The following GLG1 variants were observed in gnomAD, a reference collection of about 807,000 sequenced individuals.
GLG1 encodes the protein Golgi apparatus protein 1.
In GLG1, 38 loss-of-function variants were observed where a neutral mutation model predicts 160.5. That is an observed-to-expected ratio of 0.24 (90% CI 0.18 to 0.31). The LOEUF is 0.31. Among genes scored for constraint, GLG1 ranks in the 10% least tolerant of loss-of-function variants. The pLI is 1.00. For missense variants in GLG1, 1,373 were observed against 1,505.2 expected (o/e 0.91, Z 1.45); for synonymous variants, 644 against 543.4 (o/e 1.19, Z -2.57).
chr16:74,489,429 C>A (rs144105348), intron 8 of GLG1, among the ~76,000 whole-genome samples: 2,366 of 151,910 alleles, frequency 0.016, 31 homozygotes, highest in Non-Finnish European at 0.022. Context: ...AGAGGTTGCG[C>A]CATTACACTC....
chr16:74,466,684 A>G (rs2015011863), intron 18 of GLG1, among the ~76,000 whole-genome samples: 1 of 152,234 alleles, frequency 6.6e-6, no homozygotes, highest in African/African-American at 2.4e-5. Context: ...AACAGTAAAT[A>G]AGAATCAAGA....
At chr16:74,541,433 G>T (rs1047063771) in intron 1 of GLG1, among the ~76,000 whole-genome samples, 4 of 152,062 alleles carry the variant, frequency 2.6e-5, no homozygotes, top group Non-Finnish European at 5.9e-5. Context: ...TGTTTGAGAG[G>T]CAAAATGGAA....
intron 1 of GLG1, 59 bp downstream of exon 1, chr16:74,606,598 G>C (rs1220504505): frequency 1.4e-6 from 2 of 1,430,892 alleles, no homozygotes; most frequent in South Asian, 2.7e-5. Flanking sequence ...TTCCAAGGCC[G>C]GCAACACCCT....
intron 8 of GLG1, among the ~76,000 whole-genome samples, chr16:74,486,634 C>T (rs2143346781): frequency 6.6e-6 from 1 of 152,198 alleles, no homozygotes; most frequent in African/African-American, 2.4e-5. Flanking sequence ...ATAGGTACTT[C>T]ACATTTTTTT....
rs754817471 is a variant in GLG1 at position 74,462,129 on chromosome 16, G to A, written c.3001C>T (p.Leu1001=). The A allele has an allele frequency of 1.7e-5, 28 of 1,608,270 alleles. No homozygotes were observed. Among genetic ancestry groups the A allele is most frequent in the Non-Finnish European group, 2.2e-5 (26 of 1,174,864 alleles). The change falls in exon 22 of 26, where the codon CTG becomes TTG. Residue 1001 remains leucine, a synonymous_variant. Coordinates refer to ENST00000422840, the MANE Select transcript of GLG1 (RefSeq NM_001145667.2). ...CAGTGCAGCTGGAGCTGAGGATCCA[G>A]GCGGTAGTCCAGGGCGGACTCCTGG... ...IIQESALDYR[L]DPQLQLHCSD...
At chr16:74,497,556 G>C (rs1268153641) in intron 4 of GLG1, among the ~76,000 whole-genome samples, 1 of 149,358 alleles carries the variant, frequency 6.7e-6, no homozygotes, top group Non-Finnish European at 1.5e-5. Flanking sequence ...TCCTGCCTCA[G>C]TCTCCTGAGT....
At chr16:74,548,235 T>C (rs1370320511) in intron 1 of GLG1, among the ~76,000 whole-genome samples, 2 of 152,264 alleles carry the variant, frequency 1.3e-5, no homozygotes, top group Non-Finnish European at 2.9e-5. Flanking sequence ...TGTGTTCCAA[T>C]TCTTACTTGG....
intron 1 of GLG1, among the ~76,000 whole-genome samples, chr16:74,568,235 G>A (rs1597355754): frequency 1.3e-5 from 2 of 152,260 alleles, no homozygotes; most frequent in South Asian, 4.1e-4. Context: ...CCTGAAGCCT[G>A]TGCTAAACCT....
intron 15 of GLG1, 86 bp from the exon 16 acceptor site, chr16:74,470,159 AC>A: frequency 1.3e-6 from 1 of 787,326 alleles, no homozygotes; most frequent in Non-Finnish European, 2.3e-6. Context: ...TATAGCTCTC[AC>A]AAGCCTGTTT....
At position 74,472,394 on chromosome 16, in the gene GLG1, G is replaced by T; in HGVS notation, c.2070C>A (p.Ala690=). ...TGGGCTCACAGGCTCTCATCAGCAA[G>T]GCTTCTATTTGAATATCCTGTAGAA... ...ELESEDIQIE[A]LLMRACEPII... The change falls in exon 14 of 26, where the codon GCC becomes GCA. Residue 690 remains alanine, a synonymous_variant. Transcript: ENST00000422840. 2 of 1,610,114 alleles carry T rather than the reference G, an allele frequency of 1.2e-6. No individual in the cohort carries two copies. The highest frequency in any genetic ancestry group is 2.2e-5 in the South Asian group (2 of 90,920).
At chr16:74,494,725 A>C in intron 6 of GLG1, 35 bp downstream of exon 6, 1 of 992,524 alleles carries the variant, frequency 1.0e-6, no homozygotes, top group Non-Finnish European at 1.6e-6. Flanking sequence ...TTAAAAAACA[A>C]ATAAAACATT....
chr16:74,492,258 G>A (rs1429950537), intron 7 of GLG1, among the ~76,000 whole-genome samples: 1 of 151,452 alleles, frequency 6.6e-6, no homozygotes, highest in Non-Finnish European at 1.5e-5. Flanking sequence ...AGTGGTGCGT[G>A]CCTGTAATCC....
intron 1 of GLG1, among the ~76,000 whole-genome samples, chr16:74,545,610 G>A (rs1397737004): frequency 1.3e-4 from 20 of 152,112 alleles, no homozygotes; most frequent in Admixed American, 5.9e-4. Context: ...TTTCATTTAG[G>A]TTTTTGTTTC....
At chr16:74,528,144 G>T (rs182744870) in intron 2 of GLG1, among the ~76,000 whole-genome samples, 190 of 152,104 alleles carry the variant, frequency 1.2e-3, no homozygotes, top group African/African-American at 4.3e-3. Context: ...TGGGTTTACA[G>T]GCGTGAGCCA....
intron 2 of GLG1, among the ~76,000 whole-genome samples, chr16:74,512,766 G>T (rs762502730): frequency 3.2e-4 from 48 of 152,010 alleles, no homozygotes; most frequent in Non-Finnish European, 6.2e-4. Context: ...GGTTGGAAAG[G>T]GAATAAACAA....
intron 15 of GLG1, among the ~76,000 whole-genome samples, chr16:74,470,403 T>TTCCA (rs1221734955): frequency 6.9e-6 from 1 of 144,350 alleles, no homozygotes; most frequent in African/African-American, 2.5e-5. Context: ...CCCTCCCTCC[T>TTCCA]TCCATCCATC....
rs56306248 is a variant in GLG1 at position 74,540,046 on chromosome 16, A to T, written c.439-7893T>A. Among the ~76,000 whole-genome samples the T allele has an allele frequency of 1.2e-3, 9 of 7,682 alleles. 3 individuals are homozygous for T. Among genetic ancestry groups the T allele is most frequent in the African/African-American group, 4.3e-3 (9 of 2,082 alleles). The allele number at this position is 7,682 out of a possible 152,430, so 5.0% of individuals were successfully genotyped here. On this transcript the variant is annotated intron_variant, in intron 1 of 25. Coordinates refer to ENST00000422840, the MANE Select transcript of GLG1 (RefSeq NM_001145667.2). ...TATATTATATATATTTTATATATAT[A>T]TTATATATATTTTATATATATATAT...
At chr16:74,502,994 G>A (rs2096162843) in intron 4 of GLG1, among the ~76,000 whole-genome samples, 1 of 151,754 alleles carries the variant, frequency 6.6e-6, no homozygotes, top group African/African-American at 2.4e-5. Flanking sequence ...ATCACTTGAG[G>A]TCAGGAGTTC....
chr16:74,528,213 C>A (rs1238510803), intron 2 of GLG1, among the ~76,000 whole-genome samples: 1 of 151,972 alleles, frequency 6.6e-6, no homozygotes, highest in Non-Finnish European at 1.5e-5. Flanking sequence ...GTTGGCCAGG[C>A]TGGTCTTCAA....
Sources: allele counts gnomAD v4.1 joint callset (sites outside exome capture counted in the v4.1 genomes callset), GRCh38; gene constraint gnomAD v4.1.1; transcripts MANE v1.5; gene names NCBI Gene and HGNC (gene_info 2026-07-23, HGNC 2026-07-21).